Variants in TEX2 observed in about 807,000 individuals in gnomAD.
TEX2 encodes testis expressed 2, also known as testis-expressed protein 2.
Under a neutral mutation model 106.9 loss-of-function variants are expected in TEX2, and 53 were observed. That is an observed-to-expected ratio of 0.50 (90% CI 0.40 to 0.62). The LOEUF is 0.62. Ranked by LOEUF, TEX2 falls within the 20% of genes least tolerant of loss-of-function variation. The pLI, the probability that TEX2 is intolerant of heterozygous loss-of-function variation, is 0.00. For missense variants in TEX2, 1,207 were observed against 1,379.0 expected (o/e 0.88, Z 1.98); for synonymous variants, 523 against 534.8 (o/e 0.98, Z 0.30).
chr17:64,196,132 G>A (rs554530284), intron 2 of TEX2, among the ~76,000 whole-genome samples: 83 of 152,326 alleles, frequency 5.4e-4, no homozygotes, highest in Non-Finnish European at 1.0e-3. Flanking sequence ...AAGCCTATGA[G>A]AATGAGGACT....
intron 1 of TEX2, among the ~76,000 whole-genome samples, chr17:64,251,805 C>T (rs1007406101): frequency 6.6e-6 from 1 of 152,148 alleles, no homozygotes; most frequent in Admixed American, 6.6e-5. Context: ...AACCAGAATT[C>T]CCTCTTATTA....
At chr17:64,173,041 T>C (rs1305358107) in intron 6 of TEX2, among the ~76,000 whole-genome samples, 2 of 152,116 alleles carry the variant, frequency 1.3e-5, no homozygotes, top group East Asian at 1.9e-4. Flanking sequence ...GTGTAATTTT[T>C]CCCCCAAATG....
At chr17:64,181,824 ATT>A (rs67787101) in intron 5 of TEX2, among the ~76,000 whole-genome samples, 2 of 145,038 alleles carry the variant, frequency 1.4e-5, no homozygotes, top group African/African-American at 2.5e-5. Flanking sequence ...CTGGTTTTGT[ATT>A]TTTTTTTTTT....
intron 8 of TEX2, 92 bp downstream of exon 8, chr17:64,160,709 G>A (rs2143657127): frequency 6.8e-7 from 1 of 1,462,328 alleles, no homozygotes; most frequent in Non-Finnish European, 9.3e-7. Flanking sequence ...CAACATCCAG[G>A]GGCCACTACA....
At position 64,148,646 on chromosome 17, in the gene TEX2, T is replaced by TA; in HGVS notation, c.*322dup. ...GAGGCAAGTTGTTCAGCTTTGCTCTTACTGTGCTCATTTGCTGCCACAAAC... is the reference window on the plus strand; with the variant it reads ...GAGGCAAGTTGTTCAGCTTTGCTCTTAACTGTGCTCATTTGCTGCCACAAAC... On this transcript the variant is annotated 3_prime_UTR_variant, in exon 12 of 12. Transcript: ENST00000584379. The TA allele has an allele frequency of 3.8e-6, 1 of 263,914 alleles. No homozygotes were observed. The allele number at this position is 263,914 out of a possible 1,614,324, so 16.3% of individuals were successfully genotyped here. A position where few individuals can be genotyped will look rare whatever the true frequency, so the allele number is the denominator to read the frequency against.
chr17:64,244,042 C>T (rs1409396793), intron 1 of TEX2, among the ~76,000 whole-genome samples: 2 of 152,002 alleles, frequency 1.3e-5, no homozygotes, highest in African/African-American at 2.4e-5. Context: ...CTCCTGACCT[C>T]GTGATCCGCC....
intron 6 of TEX2, among the ~76,000 whole-genome samples, chr17:64,176,608 C>G (rs1401134686): frequency 1.3e-5 from 2 of 152,160 alleles, no homozygotes; most frequent in African/African-American, 4.8e-5. Flanking sequence ...AATAAGGTCT[C>G]CTGGTTGGCA....
Position 64,212,645 on chromosome 17 carries a change from G to A in TEX2, c.1573C>T (p.His525Tyr). The A allele has an allele frequency of 6.2e-7, 1 of 1,614,160 alleles. No homozygotes were observed. ...FFTPPSAHKY[H>Y]KLHKNLRHWN... ...TGTCGCAGATTTTTGTGTAACTTGT[G>A]ATATTTATGAGCACTTGGTGGTGTA... Residue 525 changes from histidine (H) to tyrosine (Y), a missense_variant, in exon 2 of 12, where the codon CAC becomes TAC. His to Tyr is a moderately conservative substitution (Grantham distance 83). Coordinates refer to ENST00000584379, the MANE Select transcript of TEX2 (RefSeq NM_001288732.2).
At chr17:64,218,405 CTTTT>C (rs10526886) in intron 1 of TEX2, among the ~76,000 whole-genome samples, 1 of 120,634 alleles carries the variant, frequency 8.3e-6, no homozygotes. Context: ...GACACTTTCA[CTTTT>C]TTTTTTTTTT....
At chr17:64,162,693 AGGT>A (rs1411380907) in intron 7 of TEX2, among the ~76,000 whole-genome samples, 1 of 152,130 alleles carries the variant, frequency 6.6e-6, no homozygotes, top group East Asian at 1.9e-4. Context: ...AGGAGCTGGG[AGGT>A]GGAGGAAGGC....
chr17:64,190,371 CAGTTT>C (rs952646124), intron 4 of TEX2, among the ~76,000 whole-genome samples: 2 of 152,008 alleles, frequency 1.3e-5, no homozygotes, highest in African/African-American at 4.8e-5. Context: ...ATAAAGATTA[CAGTTT>C]AGTTAATAGT....
chr17:64,162,267 G>A (rs777849448), intron 7 of TEX2, among the ~76,000 whole-genome samples: 2 of 152,166 alleles, frequency 1.3e-5, no homozygotes, highest in Non-Finnish European at 2.9e-5. Context: ...GGGTATATCT[G>A]CTTTAATAAA....
chr17:64,259,655 A>G (rs553625430), intron 1 of TEX2, among the ~76,000 whole-genome samples: 1 of 152,324 alleles, frequency 6.6e-6, no homozygotes, highest in African/African-American at 2.4e-5. Flanking sequence ...GTTGAGTGGC[A>G]AATCTTACGA....
intron 1 of TEX2, chr17:64,255,619 T>C (rs543360208): frequency 6.6e-6 from 1 of 152,334 alleles, no homozygotes; most frequent in South Asian, 2.1e-4. Context: ...TATATACAAA[T>C]TTGATGAGGC....
chr17:64,254,017 G>A (rs531736182), intron 1 of TEX2, among the ~76,000 whole-genome samples: 16 of 152,184 alleles, frequency 1.1e-4, no homozygotes, highest in African/African-American at 3.9e-4. Context: ...AACCCTCCTG[G>A]CAGCAAACAC....
At chr17:64,244,851 T>TC (rs2033957689) in intron 1 of TEX2, among the ~76,000 whole-genome samples, 1 of 152,040 alleles carries the variant, frequency 6.6e-6, no homozygotes, top group East Asian at 1.9e-4. Flanking sequence ...AACTCTCTAC[T>TC]CCCCCCAACC....
intron 2 of TEX2, 103 bp downstream of exon 2, chr17:64,212,469 GCC>G: frequency 9.3e-7 from 1 of 1,073,156 alleles, no homozygotes; most frequent in Non-Finnish European, 1.4e-6. Context: ...AAAAAACACG[GCC>G]TGTGCAAAAA....
At chr17:64,174,880 C>G (rs1349138124) in intron 6 of TEX2, among the ~76,000 whole-genome samples, 1 of 152,242 alleles carries the variant, frequency 6.6e-6, no homozygotes, top group East Asian at 1.9e-4. Context: ...GTTGCACACA[C>G]AGGGCTGCTT....
rs140369159 is a variant in TEX2 at position 64,171,322 on chromosome 17, C to T, written c.2572-123G>A. Reference sequence around the variant, plus strand: ...TTTTGGGGACATATCATTTATGTAACGAAAACGTAATGTGCACACATCATG... The same window carrying T: ...TTTTGGGGACATATCATTTATGTAATGAAAACGTAATGTGCACACATCATG... On this transcript the variant is annotated intron_variant, in intron 6 of 11. Transcript: ENST00000584379. 5.4e-4 allele frequency: 402 copies of T among 745,548 alleles called. 3 individuals carry two copies. In the East Asian group the frequency reaches 8.5e-3, roughly 16 times the overall value. 46.2% of individuals were successfully genotyped at this position (745,548 alleles called of 1,614,324 possible). A position where few individuals can be genotyped will look rare whatever the true frequency, so the allele number is the denominator to read the frequency against.
Sources: gnomAD v4.1 joint callset for allele counts (sites outside exome capture counted in the v4.1 genomes callset) on GRCh38, gnomAD v4.1.1 for gene constraint, MANE v1.5 for transcripts, NCBI Gene and HGNC (gene_info 2026-07-23, HGNC 2026-07-21) for gene names.